The following COL4A5 variants were observed in gnomAD, a reference collection of about 807,000 sequenced individuals.
COL4A5 encodes collagen type IV alpha 5 chain, also known as collagen alpha-5(IV) chain.
A neutral mutation model predicts 130.2 loss-of-function variants in COL4A5; 26 were observed. That is an observed-to-expected ratio of 0.20 (90% CI 0.15 to 0.28). The LOEUF (loss-of-function observed/expected upper bound fraction) is 0.28, where lower values mean the gene tolerates loss of function less well. COL4A5 is among the 10% of genes least tolerant of loss of function. The pLI is 1.00. For missense variants in COL4A5, 1,131 were observed against 1,344.3 expected (o/e 0.84, Z 2.48); for synonymous variants, 496 against 439.6 (o/e 1.13, Z -1.60).
rs745321413 is a variant in COL4A5, at chrX:108,621,886, C to A, written c.2761C>A (p.Leu921Ile). ...TCCTGGCAGGAGTGGTGTACCTGGTCTTAAAGGTAATAATCAAGGTTTGCT... is the reference window on the plus strand; with the variant it reads ...TCCTGGCAGGAGTGGTGTACCTGGTATTAAAGGTAATAATCAAGGTTTGCT... ...GIPGRSGVPG[L>I]KGDDGLQGQP... The change falls in exon 32 of 53, where the codon CTT (leucine) becomes ATT (isoleucine). Residue 921 changes from leucine (L) to isoleucine (I), a missense_variant. Coordinates refer to ENST00000328300, the MANE Select transcript of COL4A5 (RefSeq NM_033380.3). 1 of 1,195,848 alleles carries A rather than the reference C, an allele frequency of 8.4e-7. No homozygotes were observed. Among genetic ancestry groups the A allele is most frequent in the Non-Finnish European group, 1.1e-6 (1 of 881,677 alleles).
At chrX:108,695,536 T>G in intron 52 of COL4A5, 97 bp downstream of exon 52, 1 of 897,825 alleles carries the variant, frequency 1.1e-6, no homozygotes, top group Non-Finnish European at 1.6e-6. Context: ...TCAACAAATG[T>G]TAGGAATTTA....
intron 2 of COL4A5, among the ~76,000 whole-genome samples, chrX:108,542,515 C>T: frequency 9.0e-6 from 1 of 110,956 alleles, no homozygotes; most frequent in Non-Finnish European, 1.9e-5. Flanking sequence ...CATTGTTGGA[C>T]ATTTGGGTTG....
chrX:108,694,142 A>C (rs2148000517), intron 50 of COL4A5: 1 of 111,135 alleles, frequency 9.0e-6, no homozygotes, highest in Admixed American at 9.6e-5. Flanking sequence ...TTTGTTAGGT[A>C]AACTGCAAAA....
intron 30 of COL4A5, among the ~76,000 whole-genome samples, chrX:108,618,674 T>C (rs1430209990): frequency 1.8e-5 from 2 of 111,061 alleles, no homozygotes; most frequent in South Asian, 7.5e-4. Flanking sequence ...TCTAATAACT[T>C]CTATTTGTAG....
rs893558588 is a variant in COL4A5, at chrX:108,696,687, A to G, written c.*309A>G. On this transcript the variant is annotated 3_prime_UTR_variant, in exon 53 of 53. Transcript: ENST00000328300. ...TATTTTGCCCAGTTACTAAAATGGTACATTAAAAATTCAATTAAGAGAAGA... is the reference window on the plus strand; with the variant it reads ...TATTTTGCCCAGTTACTAAAATGGTGCATTAAAAATTCAATTAAGAGAAGA... 7 of 157,513 alleles carry G rather than the reference A, an allele frequency of 4.4e-5. No homozygotes were observed. The highest frequency in any genetic ancestry group is 1.5e-4 in the Admixed American group (2 of 13,181). 13.0% of individuals were successfully genotyped at this position (157,513 alleles called of 1,213,427 possible).
At chrX:108,458,232 G>A (rs1240587325) in intron 1 of COL4A5, among the ~76,000 whole-genome samples, 1 of 111,627 alleles carries the variant, frequency 9.0e-6, no homozygotes, top group South Asian at 3.7e-4. Context: ...TTATTTTTGT[G>A]TGGTGTTTGG....
rs370001557 is a variant in COL4A5 at position 108,568,626 on chromosome X, T to C, written c.277-3T>C. 1.7e-6 allele frequency: 2 copies of C among 1,172,184 alleles called. No individual in the cohort carries two copies. Among genetic ancestry groups the C allele is most frequent in the African/African-American group, 1.8e-5 (1 of 56,442 alleles). ...AGTTTAAGGATTTTATTTCTTCTTATAGGGTCCTCCTGGACTTCCTGGATT... is the reference window on the plus strand; with the variant it reads ...AGTTTAAGGATTTTATTTCTTCTTACAGGGTCCTCCTGGACTTCCTGGATT... On this transcript the variant is annotated splice_polypyrimidine_tract_variant and splice_region_variant and intron_variant, in intron 4 of 52. Transcript: ENST00000328300.
rs104886415 is a variant in COL4A5 at position 108,573,557 on chromosome X, T to C, written c.466-17T>C. 6.1e-6 allele frequency: 7 copies of C among 1,156,907 alleles called. No individual in the cohort carries two copies. Among genetic ancestry groups the C allele is most frequent in the East Asian group, 3.0e-5 (1 of 33,550 alleles). On this transcript the variant is annotated splice_polypyrimidine_tract_variant and intron_variant, in intron 8 of 52. Transcript: ENST00000328300. ...TAATAACTGTGTCTTAGAACTTCCA[T>C]TGATGGCTTCTTTTAGGGTGAACCA...
At chrX:108,620,129 C>G in intron 30 of COL4A5, 130 bp from the exon 31 acceptor site, 1 of 557,951 alleles carries the variant, frequency 1.8e-6, no homozygotes. Flanking sequence ...TGCATGATGT[C>G]AAAAGTATCT....
At chrX:108,623,212 C>T (rs60577746) in intron 33 of COL4A5, among the ~76,000 whole-genome samples, 11,687 of 110,929 alleles carry the variant, frequency 0.11, 1,303 homozygotes, top group African/African-American at 0.34. Flanking sequence ...CAGATAAGGA[C>T]GAATGGTACA....
intron 36 of COL4A5, among the ~76,000 whole-genome samples, chrX:108,639,948 A>G (rs772096806): frequency 8.9e-6 from 1 of 112,299 alleles, no homozygotes; most frequent in Non-Finnish European, 1.9e-5. Flanking sequence ...GGAATGTAAA[A>G]TTGTGCAGCC....
chrX:108,537,714 A>G (rs982548828), intron 1 of COL4A5, among the ~76,000 whole-genome samples: 2 of 112,185 alleles, frequency 1.8e-5, no homozygotes, highest in Non-Finnish European at 3.8e-5. Context: ...ATGCACATAT[A>G]TTCACATATA....
chrX:108,569,030 G>T lies in COL4A5; in HGVS notation c.384+209G>T, dbSNP rs1447390126. On this transcript the variant is annotated intron_variant, in intron 6 of 52. Transcript: ENST00000328300. The stretch of plus-strand genomic sequence containing the variant: ...TATAATTAGCTGGGATATTGCATTG[G>T]GTTAAAGATTACTTACCAAACCCTT... 11 of 384,121 alleles carry T rather than the reference G, an allele frequency of 2.9e-5. No individual in the cohort carries two copies. The East Asian group carries it at 4.5e-4, about 16-fold the overall frequency. The allele number at this position is 384,121 out of a possible 1,213,427, so 31.7% of individuals were successfully genotyped here.
rs1480455327 is a variant in COL4A5, at chrX:108,696,681, A to G, written c.*303A>G. On this transcript the variant is annotated 3_prime_UTR_variant, in exon 53 of 53. Coordinates refer to ENST00000328300, the MANE Select transcript of COL4A5 (RefSeq NM_033380.3). ...ATTATATATTTTGCCCAGTTACTAA[A>G]ATGGTACATTAAAAATTCAATTAAG... 1.8e-5 allele frequency: 3 copies of G among 162,277 alleles called. No individual in the cohort carries two copies. Among genetic ancestry groups the G allele is most frequent in the Non-Finnish European group, 3.5e-5 (3 of 85,909 alleles). The allele number at this position is 162,277 out of a possible 1,213,427, so 13.4% of individuals were successfully genotyped here. A position where few individuals can be genotyped will look rare whatever the true frequency, so the allele number is the denominator to read the frequency against.
intron 3 of COL4A5, among the ~76,000 whole-genome samples, chrX:108,562,133 G>A (rs62603585): frequency 1.0e-3 from 117 of 111,791 alleles, no homozygotes; most frequent in Admixed American, 2.6e-3. Context: ...TATTGGCATG[G>A]AACAACTCAA....
intron 4 of COL4A5, among the ~76,000 whole-genome samples, chrX:108,565,984 CTT>C (rs113282994): frequency 4.8e-4 from 42 of 86,688 alleles, no homozygotes; most frequent in African/African-American, 7.6e-4. Context: ...GGCTATTCTT[CTT>C]TTTTTTTTTT....
intron 28 of COL4A5, among the ~76,000 whole-genome samples, chrX:108,604,674 A>C (rs2066699118): frequency 8.9e-6 from 1 of 112,214 alleles, no homozygotes; most frequent in African/African-American, 3.2e-5. Flanking sequence ...TGAAGCTTTG[A>C]AACCAGTAAT....
intron 2 of COL4A5, among the ~76,000 whole-genome samples, chrX:108,545,694 T>A (rs923095566): frequency 1.8e-5 from 2 of 111,341 alleles, no homozygotes; most frequent in African/African-American, 3.3e-5. Context: ...ATTTGTTTAA[T>A]GTTGACAGTG....
intron 1 of COL4A5, among the ~76,000 whole-genome samples, chrX:108,521,553 A>G (rs964445230): frequency 1.8e-5 from 2 of 111,475 alleles, no homozygotes; most frequent in Non-Finnish European, 3.8e-5. Context: ...ATTGCACTGC[A>G]TGTGAAGGCA....
Sources: gnomAD v4.1 joint callset for allele counts (sites outside exome capture counted in the v4.1 genomes callset) on GRCh38, gnomAD v4.1.1 for gene constraint, MANE v1.5 for transcripts, NCBI Gene and HGNC (gene_info 2026-07-23, HGNC 2026-07-21) for gene names.